NTRK2: variants seen among roughly 807,000 people sequenced by gnomAD.
The protein encoded by NTRK2 is neurotrophic receptor tyrosine kinase 2.
A neutral mutation model predicts 94.5 loss-of-function variants in NTRK2; 13 were observed. The observed-to-expected ratio is 0.14, with a 90% CI of 0.09 to 0.22. The LOEUF (loss-of-function observed/expected upper bound fraction) is 0.22, where lower values mean the gene tolerates loss of function less well. NTRK2 is among the 10% of genes least tolerant of loss of function. The probability of loss-of-function intolerance (pLI) is 1.00; values close to 1 mark genes in which losing one functional copy is unlikely to be tolerated. For missense variants in NTRK2, 639 were observed against 1,071.2 expected (o/e 0.60, Z 5.63); for synonymous variants, 372 against 407.4 (o/e 0.91, Z 1.05).
rs112730598 is a variant in NTRK2, at chr9:84,705,829, G to A, written c.360-2015G>A. Among the ~76,000 whole-genome samples the A allele has an allele frequency of 1.1e-4, 14 of 130,394 alleles. No homozygotes were observed. The South Asian group carries it at 1.2e-3, about 11-fold the overall frequency. The allele number at this position is 130,394 out of a possible 152,430, so 85.5% of individuals were successfully genotyped here. ...TTAAAGAAGGAGTCTTGCTGTTGTC[G>A]CCCAGGCTGGAGTGCAATGGCGCCA... On this transcript the variant is annotated intron_variant, in intron 4 of 18. Coordinates refer to ENST00000277120, the MANE Select transcript of NTRK2 (RefSeq NM_006180.6).
At chr9:84,792,092 G>T (rs777196179) in intron 12 of NTRK2, among the ~76,000 whole-genome samples, 7 of 152,094 alleles carry the variant, frequency 4.6e-5, no homozygotes, top group Admixed American at 3.3e-4. Flanking sequence ...TATCCTCCTG[G>T]TTTCAAGTGT....
intron 12 of NTRK2, among the ~76,000 whole-genome samples, chr9:84,765,405 C>G (rs905673497): frequency 6.6e-6 from 1 of 152,114 alleles, no homozygotes; most frequent in Non-Finnish European, 1.5e-5. Flanking sequence ...TCAGGATTCC[C>G]TTTTGCATTT....
intron 15 of NTRK2, among the ~76,000 whole-genome samples, chr9:84,944,768 T>TCC (rs2078537270): frequency 1.3e-5 from 2 of 152,254 alleles, no homozygotes; most frequent in Non-Finnish European, 2.9e-5. Flanking sequence ...TATTCATGCA[T>TCC]ACTTTGACCT....
chr9:84,897,415 G>A (rs769655447), intron 14 of NTRK2, among the ~76,000 whole-genome samples: 6 of 152,184 alleles, frequency 3.9e-5, no homozygotes, highest in Non-Finnish European at 5.9e-5. Flanking sequence ...AATTACAGGC[G>A]TGAGCCACTG....
chr9:84,916,691 C>G (rs530949335), intron 14 of NTRK2, among the ~76,000 whole-genome samples: 3 of 152,076 alleles, frequency 2.0e-5, no homozygotes, highest in African/African-American at 7.2e-5. Flanking sequence ...TGCAGCTGAG[C>G]CTGATACTGC....
chr9:84,684,731 G>A (rs2059605026), intron 2 of NTRK2, among the ~76,000 whole-genome samples: 1 of 152,110 alleles, frequency 6.6e-6, no homozygotes, highest in South Asian at 2.1e-4. Context: ...GCTGTATTTT[G>A]CGATTATGTA....
rs549745966 is a variant in NTRK2 at position 84,857,427 on chromosome 9, T to A, written c.1397-3613T>A. Among the ~76,000 whole-genome samples, 7 of 152,326 alleles carry A rather than the reference T, an allele frequency of 4.6e-5. No homozygotes were observed. The South Asian group carries it at 8.3e-4, about 18-fold the overall frequency. ...GACTCTACTCCCCATGGATGAAACA[T>A]CACAGGAAATTGAGAAATTGTTTCT... On this transcript the variant is annotated intron_variant, in intron 12 of 18. Coordinates refer to ENST00000277120, the MANE Select transcript of NTRK2 (RefSeq NM_006180.6).
chr9:84,977,408 C>A (rs1588097322), intron 17 of NTRK2, among the ~76,000 whole-genome samples: 1 of 152,160 alleles, frequency 6.6e-6, no homozygotes, highest in Non-Finnish European at 1.5e-5. Context: ...AAACATGGTT[C>A]TAAATAGCAT....
Position 84,919,236 on chromosome 9 carries a change from C to T in NTRK2, c.1634-14926C>T, listed in dbSNP as rs1051104878. ...CTTAGACCCTTTTGTGTCTATAAAG[C>T]CTTTCCGATAGTTACCATCCACATC... On this transcript the variant is annotated intron_variant, in intron 14 of 18. Transcript: ENST00000277120. Among the ~76,000 whole-genome samples, 6 of 152,258 alleles carry T rather than the reference C, an allele frequency of 3.9e-5. No homozygotes were observed. In the East Asian group the frequency reaches 5.8e-4, roughly 15 times the overall value.
intron 12 of NTRK2, among the ~76,000 whole-genome samples, chr9:84,788,128 A>G (rs1323359692): frequency 6.6e-6 from 1 of 152,232 alleles, no homozygotes; most frequent in African/African-American, 2.4e-5. Flanking sequence ...GTAACATCCA[A>G]TAAGTATATT....
chr9:84,683,986 A>G (rs946478071), intron 2 of NTRK2, among the ~76,000 whole-genome samples: 1 of 152,136 alleles, frequency 6.6e-6, no homozygotes, highest in African/African-American at 2.4e-5. Flanking sequence ...TGTTGGCCAC[A>G]TAAACGTCTT....
intron 16 of NTRK2, 102 bp downstream of exon 16, chr9:84,948,736 G>A (rs1401123851): frequency 3.7e-5 from 37 of 987,188 alleles, no homozygotes; most frequent in South Asian, 8.8e-5. Flanking sequence ...GACCTTTCTC[G>A]AAGCATCTTA....
chr9:85,015,267 G>A (rs1343890129), intron 17 of NTRK2, among the ~76,000 whole-genome samples: 1 of 152,052 alleles, frequency 6.6e-6, no homozygotes, highest in Non-Finnish European at 1.5e-5. Flanking sequence ...TACTGTACAG[G>A]TGGCAAACCG....
At chr9:84,853,610 C>T (rs1040756792) in intron 12 of NTRK2, among the ~76,000 whole-genome samples, 2 of 152,170 alleles carry the variant, frequency 1.3e-5, no homozygotes, top group Admixed American at 6.5e-5. Context: ...TGTTCTCATC[C>T]ATTCCACAAG....
In NTRK2 at chr9:84,873,671, T is replaced by C. The variant is rs1485623247; in HGVS notation, c.1633+6240T>C. ...ACATTTAAAATGTAAGCCATGTTAT[T>C]ATAAGCCGCACTGAGATGAAGATTT... On this transcript the variant is annotated intron_variant, in intron 14 of 18. Coordinates refer to ENST00000277120, the MANE Select transcript of NTRK2 (RefSeq NM_006180.6). 3 of 1,055,562 alleles carry C rather than the reference T, an allele frequency of 2.8e-6. No individual in the cohort carries two copies. The African/African-American group carries it at 5.0e-5, about 17-fold the overall frequency. The allele number at this position is 1,055,562 out of a possible 1,614,324, so 65.4% of individuals were successfully genotyped here.
At chr9:84,710,217 G>A (rs2061348103) in intron 5 of NTRK2, among the ~76,000 whole-genome samples, 1 of 152,160 alleles carries the variant, frequency 6.6e-6, no homozygotes, top group Non-Finnish European at 1.5e-5. Context: ...CTTAGAAAGT[G>A]GTAACACTTG....
chr9:84,976,371 T>G (rs1249302458), intron 17 of NTRK2, among the ~76,000 whole-genome samples: 7 of 152,162 alleles, frequency 4.6e-5, no homozygotes, highest in Non-Finnish European at 7.4e-5. Context: ...TACGGGTGCC[T>G]TTAACTTTTA....
At chr9:84,717,639 G>A (rs997168331) in intron 6 of NTRK2, among the ~76,000 whole-genome samples, 1 of 152,120 alleles carries the variant, frequency 6.6e-6, no homozygotes, top group African/African-American at 2.4e-5. Context: ...CTACTTTCTA[G>A]GATATTTAGG....
intron 14 of NTRK2, among the ~76,000 whole-genome samples, chr9:84,932,012 T>C (rs942497553): frequency 6.6e-6 from 1 of 152,240 alleles, no homozygotes. Flanking sequence ...AAAGACCTTT[T>C]GATTTTTATC....
Sources: gnomAD v4.1 joint callset for allele counts (sites outside exome capture counted in the v4.1 genomes callset) on GRCh38, gnomAD v4.1.1 for gene constraint, MANE v1.5 for transcripts, NCBI Gene and HGNC (gene_info 2026-07-23, HGNC 2026-07-21) for gene names.